RBBP5: variants seen among roughly 807,000 people sequenced by gnomAD.
RBBP5 encodes the protein RB binding protein 5, histone lysine methyltransferase complex subunit, also known as retinoblastoma-binding protein 5.
RBBP5 carries 5 observed loss-of-function variants against 72.2 expected under a neutral mutation model. That is an observed-to-expected ratio of 0.07 (90% CI 0.04 to 0.15). RBBP5 has a LOEUF of 0.15. Among genes scored for constraint, RBBP5 ranks in the 10% least tolerant of loss-of-function variants. The probability of loss-of-function intolerance (pLI) is 1.00; values close to 1 mark genes in which losing one functional copy is unlikely to be tolerated. For missense variants in RBBP5, 322 were observed against 652.2 expected, an observed-to-expected ratio of 0.49 and a Z score of 5.51; for synonymous variants, 209 against 237.2, an observed-to-expected ratio of 0.88 and a Z score of 1.09.
chr1:205,093,554 A>ACACACACACACGCG (rs1655489022), intron 13 of RBBP5, among the ~76,000 whole-genome samples: 1 of 123,396 alleles, frequency 8.1e-6, no homozygotes, highest in African/African-American at 3.1e-5. Context: ...ACACACACAC[A>ACACACACACACGCG]CACACACACA....
intron 3 of RBBP5, among the ~76,000 whole-genome samples, chr1:205,105,433 A>G (rs1479805291): frequency 6.6e-6 from 1 of 152,224 alleles, no homozygotes; most frequent in African/African-American, 2.4e-5. Context: ...AGAGATTAAA[A>G]CATCTTAGAA....
chr1:205,093,565 C>CACACACA (rs1189392056), intron 13 of RBBP5, among the ~76,000 whole-genome samples: 1 of 126,696 alleles, frequency 7.9e-6, no homozygotes, highest in East Asian at 2.3e-4. Flanking sequence ...CACACACACA[C>CACACACA]ACACAGCATT....
chr1:205,099,142 A>C lies in RBBP5; in HGVS notation c.979-36T>G. 2 of 1,273,678 alleles carry C rather than the reference A, an allele frequency of 1.6e-6. No homozygotes were observed. Among genetic ancestry groups the C allele is most frequent in the Non-Finnish European group, 2.2e-6 (2 of 902,200 alleles). The allele number at this position is 1,273,678 out of a possible 1,614,324, so 78.9% of individuals were successfully genotyped here. On this transcript the variant is annotated intron_variant, in intron 9 of 13. Transcript: ENST00000264515. This position sits in a 1 kb window ranked among gnomAD's most constrained non-coding sequence, Gnocchi z 4.7. The stretch of plus-strand genomic sequence containing the variant: ...AGATATACTACTTAACCATATGTGA[A>C]AGCAATAATCTGTAATCTACACATT...
intron 3 of RBBP5, among the ~76,000 whole-genome samples, chr1:205,108,378 G>A (rs1273204898): frequency 1.3e-5 from 2 of 152,188 alleles, no homozygotes; most frequent in Non-Finnish European, 2.9e-5. Context: ...GAAAGGACAA[G>A]GGGACAACAG....
chr1:205,088,009 A>T lies in RBBP5; in HGVS notation c.*778T>A, dbSNP rs1406501145. On this transcript the variant is annotated 3_prime_UTR_variant, in exon 14 of 14. Transcript: ENST00000264515. Reference sequence around the variant, plus strand: ...ACCTGGGTTTGTTTCCATCTCTGGAAGCCAGCACAGGTAAAGCAATATAAA... The same window carrying T: ...ACCTGGGTTTGTTTCCATCTCTGGATGCCAGCACAGGTAAAGCAATATAAA... 1 of 152,396 alleles carries T rather than the reference A, an allele frequency of 6.6e-6. No homozygotes were observed. The highest frequency in any genetic ancestry group is 1.5e-5 in the Non-Finnish European group (1 of 68,056). 9.4% of individuals were successfully genotyped at this position (152,396 alleles called of 1,614,324 possible).
At chr1:205,103,152 G>A (rs1655911202) in intron 5 of RBBP5, among the ~76,000 whole-genome samples, 1 of 148,358 alleles carries the variant, frequency 6.7e-6, no homozygotes, top group South Asian at 2.1e-4. Context: ...TTGAACCCAG[G>A]AGATGGAGGT....
At chr1:205,101,394 C>T (rs11240357) in intron 6 of RBBP5, among the ~76,000 whole-genome samples, 28,663 of 152,058 alleles carry the variant, frequency 0.19, 3,512 homozygotes, top group East Asian at 0.52. Flanking sequence ...GTAAAGTAAC[C>T]GCCTGATAAC....
At position 205,098,810 on chromosome 1, in the gene RBBP5, A is replaced by C. The variant is rs999296869; in HGVS notation, c.1096+179T>G. Among the ~76,000 whole-genome samples, 7 of 147,754 alleles carry C rather than the reference A, an allele frequency of 4.7e-5. 1 individual carries two copies. The East Asian group carries it at 1.4e-3, about 30-fold the overall frequency. Reference sequence around the variant, plus strand: ...CAGTGAGCCAAAATCACATCATTGCATCCAGCCTGGGTGACAAGAGCGAAA... The same window carrying C: ...CAGTGAGCCAAAATCACATCATTGCCTCCAGCCTGGGTGACAAGAGCGAAA... On this transcript the variant is annotated intron_variant, in intron 10 of 13. Transcript: ENST00000264515.
At chr1:205,104,543 T>A (rs1558576667) in intron 4 of RBBP5, among the ~76,000 whole-genome samples, 1 of 142,360 alleles carries the variant, frequency 7.0e-6, no homozygotes, top group Admixed American at 7.1e-5. Context: ...AAATTTAAAT[T>A]AAAAAAAACG....
intron 4 of RBBP5, 101 bp downstream of exon 4, chr1:205,104,927 T>A (rs946349980): frequency 7.7e-7 from 1 of 1,295,080 alleles, no homozygotes; most frequent in African/African-American, 1.5e-5. Context: ...TGAAGAGATG[T>A]GTATTTGCCT....
At chr1:205,103,631 T>A (rs373065616) in intron 5 of RBBP5, among the ~76,000 whole-genome samples, 3 of 152,194 alleles carry the variant, frequency 2.0e-5, no homozygotes, top group Non-Finnish European at 4.4e-5. Context: ...ATTACTAGCA[T>A]CCAGTAAAGG....
At chr1:205,108,860 G>A (rs931545802) in intron 3 of RBBP5, among the ~76,000 whole-genome samples, 12 of 152,318 alleles carry the variant, frequency 7.9e-5, no homozygotes, top group Admixed American at 6.5e-4. Context: ...TCGACCTGCA[G>A]AAGGCTGTTG....
At chr1:205,091,090 T>C (rs1655330832) in intron 13 of RBBP5, 1 of 152,430 alleles carries the variant, frequency 6.6e-6, no homozygotes, top group Admixed American at 6.5e-5. Flanking sequence ...CTGCTCACTT[T>C]GGCCCTTGCC....
chr1:205,100,649 T>A (rs1441189232), intron 6 of RBBP5, among the ~76,000 whole-genome samples: 2 of 152,126 alleles, frequency 1.3e-5, no homozygotes, highest in Non-Finnish European at 2.9e-5. Context: ...TTTTAAAATG[T>A]CATTTTTACT....
intron 3 of RBBP5, among the ~76,000 whole-genome samples, chr1:205,107,478 G>A (rs902925096): frequency 2.6e-5 from 4 of 152,246 alleles, no homozygotes; most frequent in South Asian, 2.1e-4. Context: ...TTCAAGCACT[G>A]AAAGAAAAGA....
rs139528771 is a variant in RBBP5, at chr1:205,114,437, A to C, written c.218+352T>G. 1.1e-3 allele frequency among the ~76,000 whole-genome samples: 165 copies of C among 152,382 alleles called. 1 individual carries two copies. The highest frequency in any genetic ancestry group is 3.7e-3 in the African/African-American group (155 of 41,602). ...CACTAAAATTACTGGAATTCAGTAA[A>C]CTGCACAAAACTGGACTCGATGACT... On this transcript the variant is annotated intron_variant, in intron 3 of 13. Transcript: ENST00000264515.
chr1:205,107,003 T>C (rs1424725113), intron 3 of RBBP5, among the ~76,000 whole-genome samples: 2 of 150,998 alleles, frequency 1.3e-5, no homozygotes, highest in Non-Finnish European at 2.9e-5. Flanking sequence ...GGAATAAAAA[T>C]TACCATAGAC....
chr1:205,116,838 A>C (rs1480671329), intron 1 of RBBP5, among the ~76,000 whole-genome samples: 3 of 152,142 alleles, frequency 2.0e-5, no homozygotes, highest in African/African-American at 7.2e-5. Context: ...AAGAGCAAGG[A>C]AAGGCAAGAG....
chr1:205,121,467 AAAG>A lies in RBBP5; in HGVS notation c.19+385_19+387del, dbSNP rs1451326980. Among the ~76,000 whole-genome samples, 3 of 152,154 alleles carry A rather than the reference AAAG, an allele frequency of 2.0e-5. No individual in the cohort carries two copies. In the East Asian group the frequency reaches 5.8e-4, roughly 29 times the overall value. ...CTCCTTAGACTTCTCTTTTCTACAA[AAAG>A]ATTAACCTGTTCAGGCACCCAATTC... On this transcript the variant is annotated intron_variant, in intron 1 of 13. Coordinates refer to ENST00000264515, the MANE Select transcript of RBBP5 (RefSeq NM_005057.4).
Sources: allele counts gnomAD v4.1 joint callset (sites outside exome capture counted in the v4.1 genomes callset), GRCh38; gene constraint gnomAD v4.1.1; non-coding constraint Gnocchi (gnomAD v3.1); transcripts MANE v1.5; gene names NCBI Gene and HGNC (gene_info 2026-07-23, HGNC 2026-07-21).